Variants in DLG2 observed in about 807,000 individuals in gnomAD.
DLG2 encodes the protein discs large MAGUK scaffold protein 2, also known as disks large homolog 2.
Under a neutral mutation model 132.5 loss-of-function variants are expected in DLG2, and 45 were observed. That is an observed-to-expected ratio of 0.34 (90% CI 0.27 to 0.44). DLG2 has a LOEUF of 0.44. DLG2 is among the 20% of genes least tolerant of loss of function. The pLI, the probability that DLG2 is intolerant of heterozygous loss-of-function variation, is 1.00. For missense variants in DLG2, 1,045 were observed against 1,196.9 expected, an observed-to-expected ratio of 0.87 and a Z score of 1.87; for synonymous variants, 424 against 419.6, an observed-to-expected ratio of 1.01 and a Z score of -0.13.
At chr11:83,779,564 C>T (rs1226502553) in intron 18 of DLG2, among the ~76,000 whole-genome samples, 2 of 152,054 alleles carry the variant, frequency 1.3e-5, no homozygotes, top group East Asian at 3.9e-4. Context: ...AAAGCCACTC[C>T]CCATCATGAG....
intron 3 of DLG2, among the ~76,000 whole-genome samples, chr11:85,523,023 C>G (rs1176192057): frequency 6.6e-6 from 1 of 152,168 alleles, no homozygotes; most frequent in Non-Finnish European, 1.5e-5. Flanking sequence ...ATGATATGGT[C>G]TGGCTTTGTG....
At chr11:84,005,728 A>G (rs2094543711) in intron 11 of DLG2, among the ~76,000 whole-genome samples, 1 of 151,952 alleles carries the variant, frequency 6.6e-6, no homozygotes, top group Non-Finnish European at 1.5e-5. Context: ...GATGCTCAAG[A>G]TCATTAATCA....
chr11:83,825,092 T>C (rs926110676), intron 17 of DLG2, among the ~76,000 whole-genome samples: 1 of 147,726 alleles, frequency 6.8e-6, no homozygotes, highest in Non-Finnish European at 1.5e-5. Context: ...CACACATATA[T>C]ATACACATAT....
intron 7 of DLG2, among the ~76,000 whole-genome samples, chr11:84,455,563 C>G (rs1288274559): frequency 6.6e-6 from 1 of 150,836 alleles, no homozygotes; most frequent in Non-Finnish European, 1.5e-5. Context: ...CTCTCTTTGC[C>G]CAAATGCATT....
rs546082036 is a variant in DLG2 at position 85,229,392 on chromosome 11, CT to C, written c.186+55827del. Among the ~76,000 whole-genome samples, 259 of 152,114 alleles carry C rather than the reference CT, an allele frequency of 1.7e-3. 1 individual carries two copies. Among genetic ancestry groups the C allele is most frequent in the Middle Eastern group, 3.4e-3 (1 of 294 alleles). On this transcript the variant is annotated intron_variant, in intron 4 of 27. Transcript: ENST00000376104. The stretch of plus-strand genomic sequence containing the variant: ...TGGCCAACAAACATATGAAAAAAAG[CT>C]TATCATCACTGGTCATTAGAGAAAT...
At chr11:84,758,461 G>A (rs1462066381) in intron 6 of DLG2, among the ~76,000 whole-genome samples, 1 of 152,148 alleles carries the variant, frequency 6.6e-6, no homozygotes, top group African/African-American at 2.4e-5. Flanking sequence ...ATTACATCAA[G>A]TAAAAGCACC....
chr11:83,480,804 T>G (rs2093041534), intron 22 of DLG2, among the ~76,000 whole-genome samples: 1 of 152,122 alleles, frequency 6.6e-6, no homozygotes. Flanking sequence ...TTCTGGTGTG[T>G]AGGCAGTGTT....
intron 6 of DLG2, among the ~76,000 whole-genome samples, chr11:85,004,847 T>G (rs140855005): frequency 1.1e-4 from 17 of 152,346 alleles, no homozygotes; most frequent in African/African-American, 3.8e-4. Context: ...TCTAGGGTTT[T>G]TATGGTTTTA....
rs577410250 is a variant in DLG2, at chr11:84,743,284, T to A, written c.358-208553A>T. On this transcript the variant is annotated intron_variant, in intron 6 of 27. Transcript: ENST00000376104. The stretch of plus-strand genomic sequence containing the variant: ...AAAGAAAATTCATATCTATTAACAC[T>A]GTTACAACTCTTAAAGATACTAAAA... Among the ~76,000 whole-genome samples the A allele has an allele frequency of 5.3e-5, 8 of 152,332 alleles. No individual in the cohort carries two copies. In the East Asian group the frequency reaches 1.5e-3, roughly 29 times the overall value.
chr11:84,633,598 G>T (rs538399339), intron 6 of DLG2, among the ~76,000 whole-genome samples: 3 of 150,358 alleles, frequency 2.0e-5, no homozygotes, highest in Non-Finnish European at 3.0e-5. Context: ...ATTTCTCACC[G>T]TGTATTATGA....
At chr11:84,803,060 A>G (rs150863278) in intron 6 of DLG2, among the ~76,000 whole-genome samples, 2,076 of 152,206 alleles carry the variant, frequency 0.014, 54 homozygotes, top group African/African-American at 0.047. Context: ...CGGCCTCCCA[A>G]AGTTCTGTGT....
chr11:84,669,172 T>C (rs1013279935), intron 6 of DLG2, among the ~76,000 whole-genome samples: 3 of 151,684 alleles, frequency 2.0e-5, no homozygotes, highest in Non-Finnish European at 2.9e-5. Flanking sequence ...TTGGGGGGAA[T>C]AAAAGGGGAG....
At chr11:84,447,458 A>G (rs1441815946) in intron 7 of DLG2, among the ~76,000 whole-genome samples, 1 of 152,180 alleles carries the variant, frequency 6.6e-6, no homozygotes, top group African/African-American at 2.4e-5. Context: ...CTGTTTAATC[A>G]TCCTGTGAGG....
chr11:85,597,457 T>C (rs1166631477), intron 3 of DLG2, among the ~76,000 whole-genome samples: 1 of 152,002 alleles, frequency 6.6e-6, no homozygotes, highest in Non-Finnish European at 1.5e-5. Context: ...TCTGTAGGAC[T>C]CCATTTAGAG....
At chr11:84,418,028 C>T (rs2154462847) in intron 7 of DLG2, among the ~76,000 whole-genome samples, 1 of 152,254 alleles carries the variant, frequency 6.6e-6, no homozygotes, top group Admixed American at 6.5e-5. Context: ...GAGCCAAACT[C>T]AATGTCCAAG....
intron 3 of DLG2, among the ~76,000 whole-genome samples, chr11:85,518,862 A>G (rs889700256): frequency 1.3e-5 from 2 of 152,156 alleles, no homozygotes; most frequent in African/African-American, 4.8e-5. Context: ...TGCTCCAGCC[A>G]TGACTAAAAG....
chr11:85,131,476 A>G lies in DLG2; in HGVS notation c.283-19741T>C, dbSNP rs777968077. On this transcript the variant is annotated intron_variant, in intron 5 of 27. Coordinates refer to ENST00000376104, the MANE Select transcript of DLG2 (RefSeq NM_001142699.3). ...GAGGATATTTCCTTTAGTAGATTACATAAGGACATACAATTTCCTACTTAA... is the reference window on the plus strand; with the variant it reads ...GAGGATATTTCCTTTAGTAGATTACGTAAGGACATACAATTTCCTACTTAA... Among the ~76,000 whole-genome samples the G allele has an allele frequency of 1.9e-3, 293 of 152,300 alleles. 2 individuals carry two copies. Among genetic ancestry groups the G allele is most frequent in the Non-Finnish European group, 2.4e-3 (163 of 67,992 alleles).
At chr11:84,282,306 G>T (rs1580078) in intron 7 of DLG2, among the ~76,000 whole-genome samples, 126,324 of 152,036 alleles carry the variant, frequency 0.83, 52,986 homozygotes, top group Non-Finnish European at 0.9. Context: ...GAAAATGCAA[G>T]TTAATGTATA....
At chr11:84,186,041 A>G (rs2096270242) in intron 8 of DLG2, among the ~76,000 whole-genome samples, 1 of 152,134 alleles carries the variant, frequency 6.6e-6, no homozygotes, top group African/African-American at 2.4e-5. Flanking sequence ...TGTTAAACTT[A>G]TGTAGTTACC....
Sources: gnomAD v4.1 joint callset for allele counts (sites outside exome capture counted in the v4.1 genomes callset) on GRCh38, gnomAD v4.1.1 for gene constraint, MANE v1.5 for transcripts, NCBI Gene and HGNC (gene_info 2026-07-23, HGNC 2026-07-21) for gene names.